The following FSD1L variants were observed in gnomAD, a reference collection of about 807,000 sequenced individuals.
The protein encoded by FSD1L is fibronectin type III and SPRY domain containing 1 like.
FSD1L carries 45 observed loss-of-function variants against 71.6 expected under a neutral mutation model. That is an observed-to-expected ratio of 0.63 (90% CI 0.49 to 0.81). The LOEUF (loss-of-function observed/expected upper bound fraction) is 0.81, where lower values mean the gene tolerates loss of function less well. Ranked by LOEUF, FSD1L falls within the 30% of genes least tolerant of loss-of-function variation. FSD1L has a pLI of 0.00. For synonymous variants in FSD1L, 197 were observed against 207.2 expected (o/e 0.95, Z 0.42); for missense variants, 561 against 618.1 (o/e 0.91, Z 0.98).
At chr9:105,512,650 A>G (rs10820812) in intron 9 of FSD1L, among the ~76,000 whole-genome samples, 157 bp from the exon 10 acceptor site, 85,104 of 151,952 alleles carry the variant, frequency 0.56, 24,146 homozygotes, top group East Asian at 0.73. Flanking sequence ...TAGCCTGATT[A>G]TTGAGAACTT....
At chr9:105,450,293 G>C (rs1250121263) in intron 1 of FSD1L, among the ~76,000 whole-genome samples, 1 of 152,154 alleles carries the variant, frequency 6.6e-6, no homozygotes, top group Non-Finnish European at 1.5e-5. Flanking sequence ...AGTCAGTAGA[G>C]TATAAGAAAA....
At chr9:105,499,558 G>T (rs866154227) in intron 7 of FSD1L, among the ~76,000 whole-genome samples, 1 of 151,298 alleles carries the variant, frequency 6.6e-6, no homozygotes, top group Non-Finnish European at 1.5e-5. Flanking sequence ...TATAGGTAAG[G>T]TCCCCTCCTC....
intron 5 of FSD1L, among the ~76,000 whole-genome samples, chr9:105,476,763 A>G (rs1831830926): frequency 6.6e-6 from 1 of 152,136 alleles, no homozygotes; most frequent in African/African-American, 2.4e-5. Context: ...CTGTTTTGAG[A>G]GAATTCTAGA....
chr9:105,498,992 A>G (rs899288280), intron 7 of FSD1L, among the ~76,000 whole-genome samples: 6 of 152,266 alleles, frequency 3.9e-5, no homozygotes, highest in African/African-American at 1.2e-4. Flanking sequence ...AGTGATTTCT[A>G]ATTTAATCAT....
At chr9:105,546,277 T>G (rs1451348882) in intron 13 of FSD1L, 81 bp from the exon 14 acceptor site, 2 of 1,327,898 alleles carry the variant, frequency 1.5e-6, no homozygotes, top group African/African-American at 3.0e-5. Flanking sequence ...GTGTGGCATT[T>G]TGCCTTTGAA....
At chr9:105,452,669 GCCTTCCTTCCTTCCTT>G (rs1166449916) in intron 1 of FSD1L, among the ~76,000 whole-genome samples, 17 of 96,238 alleles carry the variant, frequency 1.8e-4, no homozygotes, top group East Asian at 1.6e-3. Flanking sequence ...CTGCCTGCCT[GCCTTCCTTCCTTCCTT>G]CCTTCCTTCC....
At chr9:105,501,667 C>T (rs1833772670) in intron 7 of FSD1L, among the ~76,000 whole-genome samples, 1 of 151,016 alleles carries the variant, frequency 6.6e-6, no homozygotes, top group Non-Finnish European at 1.5e-5. Context: ...CTCCTGGCCT[C>T]AAGCCATCCT....
intron 10 of FSD1L, among the ~76,000 whole-genome samples, chr9:105,516,249 C>T (rs1834713187): frequency 6.6e-6 from 1 of 152,176 alleles, no homozygotes; most frequent in African/African-American, 2.4e-5. Context: ...GGGGAAGGGG[C>T]AACTGTGGGT....
chr9:105,533,414 A>ATCTTTTTTTTTTTTTTTT (rs1836031917), intron 10 of FSD1L, among the ~76,000 whole-genome samples: 1 of 13,376 alleles, frequency 7.5e-5, no homozygotes, highest in African/African-American at 2.1e-4. Flanking sequence ...TGCCATTTCC[A>ATCTTTTTTTTTTTTTTTT]TCTTTTTTTT....
chr9:105,537,210 A>G (rs1244051859), intron 12 of FSD1L, among the ~76,000 whole-genome samples: 1 of 152,188 alleles, frequency 6.6e-6, no homozygotes, highest in Non-Finnish European at 1.5e-5. Context: ...TTTTTTCTCC[A>G]AGTTGACACT....
At chr9:105,533,087 G>A (rs1835999950) in intron 10 of FSD1L, among the ~76,000 whole-genome samples, 1 of 152,176 alleles carries the variant, frequency 6.6e-6, no homozygotes, top group Admixed American at 6.5e-5. Flanking sequence ...CTAGTGCTAT[G>A]TTAGAAAAAA....
intron 10 of FSD1L, among the ~76,000 whole-genome samples, chr9:105,529,291 T>C (rs770228904): frequency 6.6e-6 from 1 of 152,206 alleles, no homozygotes; most frequent in Non-Finnish European, 1.5e-5. Flanking sequence ...CCAAAGGATT[T>C]ATAAATCCTT....
chr9:105,541,121 T>A (rs1001266207), intron 13 of FSD1L, among the ~76,000 whole-genome samples: 8 of 152,112 alleles, frequency 5.3e-5, no homozygotes, highest in South Asian at 4.1e-4. Flanking sequence ...TGCTTTTAAA[T>A]CTCATTATCC....
chr9:105,472,121 G>C (rs1442521866), intron 5 of FSD1L, 116 bp downstream of exon 5: 5 of 1,217,888 alleles, frequency 4.1e-6, no homozygotes. Flanking sequence ...ATAAAGCCTT[G>C]GGGTTTCTTG....
Position 105,461,582 on chromosome 9 carries a change from C to T in FSD1L, c.78C>T (p.Ile26=). ...AAGCCTGTTTTCTGATCTCTAACAT[C>T]ACTATTGGACCAGAGTCTATTAACT... ...VDKACFLISN[I]TIGPESINLQ... The change falls in exon 2 of 14, where the codon ATC becomes ATT. Residue 26 remains isoleucine (I), a synonymous_variant. Transcript: ENST00000481272. 1 of 1,551,424 alleles carries T rather than the reference C, an allele frequency of 6.4e-7. No homozygotes were observed.
intron 10 of FSD1L, among the ~76,000 whole-genome samples, chr9:105,532,636 T>G (rs1835967703): frequency 6.6e-6 from 1 of 152,210 alleles, no homozygotes; most frequent in African/African-American, 2.4e-5. Context: ...TTAGCACAAG[T>G]TTCACAGAAA....
At chr9:105,529,422 A>G (rs1041710808) in intron 10 of FSD1L, among the ~76,000 whole-genome samples, 3 of 152,188 alleles carry the variant, frequency 2.0e-5, no homozygotes, top group Admixed American at 1.3e-4. Flanking sequence ...GCACATATAC[A>G]CCATGGAATA....
intron 5 of FSD1L, among the ~76,000 whole-genome samples, chr9:105,477,380 C>G (rs1019317759): frequency 2.6e-5 from 4 of 152,124 alleles, no homozygotes; most frequent in Non-Finnish European, 4.4e-5. Context: ...ATTAGACAGA[C>G]AAATTCACCC....
intron 10 of FSD1L, chr9:105,522,352 G>A: frequency 6.2e-7 from 1 of 1,614,062 alleles, no homozygotes; most frequent in Non-Finnish European, 8.5e-7. Context: ...AAGCACAAAG[G>A]GAAAGGAGTT....
Sources: allele counts gnomAD v4.1 joint callset (sites outside exome capture counted in the v4.1 genomes callset), GRCh38; gene constraint gnomAD v4.1.1; transcripts MANE v1.5; gene names NCBI Gene and HGNC (gene_info 2026-07-23, HGNC 2026-07-21).